The following LY6G5C variants were observed in gnomAD, a reference collection of about 807,000 sequenced individuals.
LY6G5C encodes the protein lymphocyte antigen 6 complex locus protein G5c.
A neutral mutation model predicts 10.5 loss-of-function variants in LY6G5C; 6 were observed. That is an observed-to-expected ratio of 0.57 (90% confidence interval 0.31 to 1.12). LY6G5C has a LOEUF of 1.12. LY6G5C is among the 50% of genes most tolerant of loss of function. The probability of loss-of-function intolerance (pLI) is 0.05; values close to 1 mark genes in which losing one functional copy is unlikely to be tolerated. For missense variants in LY6G5C, 160 were observed against 185.5 expected (o/e 0.86, Z 0.80); for synonymous variants, 69 against 67.8 (o/e 1.02, Z -0.09).
chr6:31,676,893 G>T (rs1021338438), exon 3 of LY6G5C: 1 of 1,540,854 alleles, frequency 6.5e-7, no homozygotes, highest in Non-Finnish European at 8.9e-7. Flanking sequence ...GCCAAGCCCA[G>T]ATAGAAGTCA....
intron 2 of LY6G5C, among the ~76,000 whole-genome samples, chr6:31,678,175 C>G (rs1386016459): frequency 6.6e-6 from 1 of 152,152 alleles, no homozygotes; most frequent in Non-Finnish European, 1.5e-5. Context: ...CAGTGCCTAG[C>G]ACATATTATG....
At chr6:31,680,511 C>T (rs1171163144), upstream of LY6G5C, 35 of 901,582 alleles carry the variant, frequency 3.9e-5, no homozygotes, top group South Asian at 9.0e-5. This position sits in a 1 kb window ranked among gnomAD's most constrained non-coding sequence, Gnocchi z 4.5. Context: ...CACCCACAGC[C>T]ACTCTGGGGC....
rs201040687 is a variant in LY6G5C, at chr6:31,680,049, AAAT to A, written c.121+201_121+203del. ...GATACAGAGCGAGACTCCATCTCAA[AAAT>A]AATAATAATAATAAATTTTTAAAAA... On this transcript the variant is annotated intron_variant, in intron 1 of 2. Coordinates refer to ENST00000383237, the Ensembl canonical transcript of LY6G5C. The surrounding 1 kb of genome is among the most constrained non-coding windows in gnomAD (Gnocchi z 4.5). 1.8e-4 allele frequency: 94 copies of A among 526,190 alleles called. No individual in the cohort carries two copies. The highest frequency in any genetic ancestry group is 4.6e-4 in the Middle Eastern group (1 of 2,168). 32.6% of individuals were successfully genotyped at this position (526,190 alleles called of 1,614,324 possible).
rs1479865830 is a variant in LY6G5C at position 31,679,705 on chromosome 6, A to G, written c.122-437T>C. 2 of 227,490 alleles carry G rather than the reference A, an allele frequency of 8.8e-6. No homozygotes were observed. Among genetic ancestry groups the G allele is most frequent in the Admixed American group, 9.9e-5 (2 of 20,216 alleles). The allele number at this position is 227,490 out of a possible 1,614,324, so 14.1% of individuals were successfully genotyped here. A position where few individuals can be genotyped will look rare whatever the true frequency, so the allele number is the denominator to read the frequency against. On this transcript the variant is annotated intron_variant, in intron 1 of 2. Coordinates refer to ENST00000383237, the Ensembl canonical transcript of LY6G5C. This position sits in a 1 kb window ranked among gnomAD's most constrained non-coding sequence, Gnocchi z 4.4. ...CAGAGAGGATTCCTTCAGTATCTCT[A>G]TTCAGGTCACTGCTGTGAAGTGAGA... is the stretch of plus-strand genomic sequence containing the variant.
In LY6G5C at chr6:31,678,337, A is replaced by G. The variant is rs569698136; in HGVS notation, c.289+764T>C. Among the ~76,000 whole-genome samples the G allele has an allele frequency of 1.2e-4, 19 of 152,346 alleles. No individual in the cohort carries two copies. The South Asian group carries it at 3.9e-3, about 32-fold the overall frequency. On this transcript the variant is annotated intron_variant, in intron 2 of 2. Coordinates refer to ENST00000383237, the Ensembl canonical transcript of LY6G5C. ...ACATTCAGATTCAGAAGGAAGTGGT[A>G]TGTGGCTGCTGGTTGAAGCCAGCAA... is the stretch of plus-strand genomic sequence containing the variant.
intron 2 of LY6G5C, among the ~76,000 whole-genome samples, chr6:31,678,737 G>A (rs1187875053): frequency 6.6e-6 from 1 of 152,184 alleles, no homozygotes; most frequent in East Asian, 1.9e-4. Flanking sequence ...CCAGCACTCT[G>A]GGAAGCTAAG....
Position 31,679,080 on chromosome 6 carries a change from T to A in LY6G5C, c.289+21A>T. 6.2e-7 allele frequency: 1 copy of A among 1,612,428 alleles called. No individual in the cohort carries two copies. Among genetic ancestry groups the A allele is most frequent in the Middle Eastern group, 1.7e-4 (1 of 6,058 alleles). On this transcript the variant is annotated intron_variant, in intron 2 of 2. Transcript: ENST00000383237. The surrounding 1 kb of genome is among the most constrained non-coding windows in gnomAD (Gnocchi z 4.4). ...TCCGTTTGGGAGAGTGCTGGGCCCA[T>A]GACAGGAGAAGGCCACTTACTGTTC...
chr6:31,677,238 G>C, intron 2 of LY6G5C, 118 bp from the exon 3 acceptor site: 1 of 1,046,196 alleles, frequency 9.6e-7, no homozygotes, highest in Non-Finnish European at 1.4e-6. Context: ...CTGTAGTTAG[G>C]CATGGGTGGA....
chr6:31,680,229 T>G lies in LY6G5C; in HGVS notation c.121+24A>C. 4.3e-6 allele frequency: 7 copies of G among 1,612,890 alleles called. No homozygotes were observed. The highest frequency in any genetic ancestry group is 5.9e-6 in the Non-Finnish European group (7 of 1,179,982). On this transcript the variant is annotated intron_variant, in intron 1 of 2. Coordinates refer to ENST00000383237, the Ensembl canonical transcript of LY6G5C. This position sits in a 1 kb window ranked among gnomAD's most constrained non-coding sequence, Gnocchi z 4.5. ...TTTCTCCATCCAGGCCAGGAGACCCTTCTGAACCCTTGGAGCCACTTACCA... is the reference window on the plus strand; with the variant it reads ...TTTCTCCATCCAGGCCAGGAGACCCGTCTGAACCCTTGGAGCCACTTACCA...
chr6:31,677,806 G>T (rs909275388), intron 2 of LY6G5C, among the ~76,000 whole-genome samples: 2 of 152,090 alleles, frequency 1.3e-5, no homozygotes, highest in African/African-American at 4.8e-5. Context: ...ATTTGTGCAG[G>T]GTGGAATGTG....
At chr6:31,678,987 A>G in intron 2 of LY6G5C, 114 bp downstream of exon 2, 3 of 1,153,636 alleles carry the variant, frequency 2.6e-6, no homozygotes, top group South Asian at 1.4e-5. Flanking sequence ...AAAAGACAGG[A>G]TTGGAGCAAT....
upstream of LY6G5C, among the ~76,000 whole-genome samples, chr6:31,681,007 G>A (rs1802861158): frequency 6.6e-6 from 1 of 151,244 alleles, no homozygotes; most frequent in South Asian, 2.1e-4. Context: ...TGAGGGAACA[G>A]GGGTAGGCTT....
At chr6:31,678,706 C>T (rs780851883) in intron 2 of LY6G5C, among the ~76,000 whole-genome samples, 16 of 152,178 alleles carry the variant, frequency 1.1e-4, no homozygotes, top group Non-Finnish European at 2.2e-4. Context: ...AGGCTGGGCA[C>T]GGTGGCTCAC....
upstream of LY6G5C, chr6:31,680,416 A>T (rs1295551766): frequency 1.9e-6 from 3 of 1,583,482 alleles, no homozygotes; most frequent in Admixed American, 5.2e-5. The surrounding 1 kb of genome is among the most constrained non-coding windows in gnomAD (Gnocchi z 4.5). Context: ...TTGGTGGAAG[A>T]GAGGTTGGCC....
Position 31,680,338 on chromosome 6 carries a change from ACT to A in LY6G5C, c.34_35del (p.Leu13GlyfsTer29), listed in dbSNP as rs1044868912. 8 of 1,588,462 alleles carry A rather than the reference ACT, an allele frequency of 5.0e-6. No homozygotes were observed. In the African/African-American group the frequency reaches 1.1e-4, roughly 23 times the overall value. On this transcript the variant is annotated frameshift_variant, in exon 1 of 3. Transcript: ENST00000383237. LOFTEE classifies it high-confidence loss of function. This position sits in a 1 kb window ranked among gnomAD's most constrained non-coding sequence, Gnocchi z 4.5. ...TGCTGTGGAAGCACAGGGGACCCAG[ACT>A]CTGGCTCCCTGCAGGGCCTGCCATA...
At chr6:31,676,844 G>A (rs1171244189) in exon 3 of LY6G5C, 6 of 1,008,894 alleles carry the variant, frequency 5.9e-6, no homozygotes, top group African/African-American at 1.6e-5. Context: ...GTGGCTGGAG[G>A]GAGGCAAGGA....
In LY6G5C at chr6:31,679,317, C is replaced by T. The variant is rs372627727; in HGVS notation, c.122-49G>A. ...CCCACTCACACCCCATTCTACCTCA[C>T]ACCCTACCACTGCCTGATTCCAGGC... On this transcript the variant is annotated intron_variant, in intron 1 of 2. Transcript: ENST00000383237. This position sits in a 1 kb window ranked among gnomAD's most constrained non-coding sequence, Gnocchi z 4.4. 8.2e-5 allele frequency: 131 copies of T among 1,602,216 alleles called. No individual in the cohort carries two copies. Among genetic ancestry groups the T allele is most frequent in the Non-Finnish European group, 1.1e-4 (123 of 1,170,476 alleles).
chr6:31,677,175 ATCCTC>A (rs1478465320), intron 2 of LY6G5C, 55 bp from the exon 3 acceptor site: 1 of 1,545,386 alleles, frequency 6.5e-7, no homozygotes, highest in African/African-American at 1.4e-5. Context: ...AGAGCCCCAA[ATCCTC>A]TCATCCCCAC....
Position 31,679,266 on chromosome 6 carries a change from T to TA in LY6G5C, c.123dup (p.Lys42Ter), listed in dbSNP as rs1478863505. 6.2e-7 allele frequency: 1 copy of TA among 1,612,754 alleles called. No homozygotes were observed. Among genetic ancestry groups the TA allele is most frequent in the African/African-American group, 1.3e-5 (1 of 74,836 alleles). On this transcript the variant is annotated frameshift_variant and splice_region_variant, in exon 2 of 3. Coordinates refer to ENST00000383237, the Ensembl canonical transcript of LY6G5C. LOFTEE classifies it high-confidence loss of function. The surrounding 1 kb of genome is among the most constrained non-coding windows in gnomAD (Gnocchi z 4.4). ...GGTTCCCAATTGACAGGAACAAACT[T>TA]ACCTAGAACACAGAGAAGTGCTGAC...
Sources: gnomAD v4.1 joint callset for allele counts (sites outside exome capture counted in the v4.1 genomes callset) on GRCh38, gnomAD v4.1.1 for gene constraint, Gnocchi (gnomAD v3.1) non-coding constraint, MANE v1.5 for transcripts, NCBI Gene and HGNC (gene_info 2026-07-23, HGNC 2026-07-21) for gene names.